Variants in RBFOX3 observed in about 807,000 individuals in gnomAD.
RBFOX3 encodes RNA binding protein fox-1 homolog 3.
In RBFOX3, 17 loss-of-function variants were observed where a neutral mutation model predicts 48.7. That is an observed-to-expected ratio of 0.35 (90% CI 0.24 to 0.52). The LOEUF (loss-of-function observed/expected upper bound fraction) is 0.52, where lower values mean the gene tolerates loss of function less well. RBFOX3 is among the 20% of genes least tolerant of loss of function. The pLI is 0.94. For missense variants in RBFOX3, 382 were observed against 497.5 expected (o/e 0.77, Z 2.21); for synonymous variants, 212 against 209.5 (o/e 1.01, Z -0.10).
rs770162989 is a variant in RBFOX3, at chr17:79,097,642, G to C, written c.622+50C>G. The C allele has an allele frequency of 4.7e-5, 40 of 846,850 alleles. No individual in the cohort carries two copies. In the South Asian group the frequency reaches 5.5e-4, roughly 12 times the overall value. The allele number at this position is 846,850 out of a possible 1,614,324, so 52.5% of individuals were successfully genotyped here. On this transcript the variant is annotated intron_variant, in intron 10 of 14. Transcript: ENST00000693108. ...GCCCCCAGAGCCCCCGGAGCCCCACGGGGCCAAGTAGCTGGTCTCATCCCA... is the reference window on the plus strand; with the variant it reads ...GCCCCCAGAGCCCCCGGAGCCCCACCGGGCCAAGTAGCTGGTCTCATCCCA...
chr17:79,500,821 T>C (rs2082286719), intron 1 of RBFOX3, among the ~76,000 whole-genome samples: 1 of 152,182 alleles, frequency 6.6e-6, no homozygotes, highest in African/African-American at 2.4e-5. Context: ...CCAGGAAGAA[T>C]GACGTTGAGG....
intron 3 of RBFOX3, among the ~76,000 whole-genome samples, chr17:79,260,860 G>A (rs143189409): frequency 7.9e-5 from 12 of 152,236 alleles, no homozygotes; most frequent in African/African-American, 2.2e-4. Flanking sequence ...AGCTCTGGCC[G>A]ACTGCCAGAC....
intron 4 of RBFOX3, among the ~76,000 whole-genome samples, chr17:79,231,639 T>G (rs563881354): frequency 6.6e-6 from 1 of 152,322 alleles, no homozygotes; most frequent in African/African-American, 2.4e-5. Flanking sequence ...TCTATTTTAT[T>G]TCTATACGCT....
At chr17:79,486,025 C>CA (rs1336980795) in intron 1 of RBFOX3, among the ~76,000 whole-genome samples, 1 of 152,272 alleles carries the variant, frequency 6.6e-6, no homozygotes, top group Non-Finnish European at 1.5e-5. Flanking sequence ...TCCTGTACCC[C>CA]ACGCCCCACC....
chr17:79,375,358 GACACACACACACACACAC>G (rs534923135), intron 2 of RBFOX3, among the ~76,000 whole-genome samples: 17 of 136,292 alleles, frequency 1.2e-4, no homozygotes, highest in East Asian at 2.3e-4. Flanking sequence ...GAAGACAGAA[GACACACACACACACACAC>G]ACACACACAC....
chr17:79,190,424 A>AAAACAAC (rs2054249549), intron 4 of RBFOX3, among the ~76,000 whole-genome samples: 1 of 109,474 alleles, frequency 9.1e-6, no homozygotes, highest in African/African-American at 3.0e-5. Flanking sequence ...CAAAAAAAAA[A>AAAACAAC]AAAAAAACAA....
chr17:79,544,246 G>A (rs1467460947), intron 1 of RBFOX3, among the ~76,000 whole-genome samples: 2 of 152,066 alleles, frequency 1.3e-5, no homozygotes, highest in Admixed American at 1.3e-4. Flanking sequence ...CCAGCCTTGT[G>A]GAAGAAACCC....
chr17:79,142,299 C>A (rs985534297), intron 4 of RBFOX3, among the ~76,000 whole-genome samples: 3 of 152,206 alleles, frequency 2.0e-5, no homozygotes, highest in Non-Finnish European at 4.4e-5. Flanking sequence ...GCTGCGGAGC[C>A]TCCAGGGGTG....
chr17:79,237,035 A>C (rs915061423), intron 3 of RBFOX3, among the ~76,000 whole-genome samples: 1 of 152,218 alleles, frequency 6.6e-6, no homozygotes, highest in Admixed American at 6.5e-5. Context: ...GAGTGCATTC[A>C]CACTGCTGTC....
chr17:79,096,954 G>A (rs1210936608), intron 11 of RBFOX3, 121 bp from the exon 12 acceptor site: 3 of 600,878 alleles, frequency 5.0e-6, no homozygotes, highest in African/African-American at 1.9e-5. Context: ...TAGTGATGGA[G>A]GGCACCAGAC....
intron 2 of RBFOX3, among the ~76,000 whole-genome samples, chr17:79,432,016 A>G (rs2068551273): frequency 6.6e-6 from 1 of 152,208 alleles, no homozygotes; most frequent in Non-Finnish European, 1.5e-5. Context: ...GAATGTAACC[A>G]TTCTAGGGAC....
At position 79,477,285 on chromosome 17, in the gene RBFOX3, G is replaced by C. The variant is rs757483597; in HGVS notation, c.-175+5169C>G. Among the ~76,000 whole-genome samples, 7 of 146,816 alleles carry C rather than the reference G, an allele frequency of 4.8e-5. No individual in the cohort carries two copies. The East Asian group carries it at 1.2e-3, about 25-fold the overall frequency. ...AAAAAAAAAAAAAAAAAGAGGGCGC[G>C]GTGGCTCACACCTGTAATCCCAGCA... On this transcript the variant is annotated intron_variant, in intron 2 of 14. Transcript: ENST00000693108. This position sits in a 1 kb window ranked among gnomAD's most constrained non-coding sequence, Gnocchi z 4.8.
chr17:79,514,940 G>C (rs2085030751), intron 1 of RBFOX3, among the ~76,000 whole-genome samples: 1 of 152,144 alleles, frequency 6.6e-6, no homozygotes, highest in South Asian at 2.1e-4. Flanking sequence ...CAGGAGGCTG[G>C]GGCTCGGCGC....
chr17:79,113,500 C>T (rs1193421021), intron 5 of RBFOX3, among the ~76,000 whole-genome samples: 2 of 152,128 alleles, frequency 1.3e-5, no homozygotes, highest in Non-Finnish European at 1.5e-5. Flanking sequence ...CTGAGAGACC[C>T]CAGCCTGAAG....
chr17:79,101,733 GC>G, intron 8 of RBFOX3, 89 bp from the exon 9 acceptor site: 2 of 1,190,928 alleles, frequency 1.7e-6, no homozygotes, highest in Non-Finnish European at 1.2e-6. Context: ...TGCTCCGTTA[GC>G]CCCCGGCACC....
rs963255337 is a variant in RBFOX3, at chr17:79,535,126, G to A, written c.-319-52528C>T. Among the ~76,000 whole-genome samples the A allele has an allele frequency of 7.9e-5, 12 of 152,176 alleles. No homozygotes were observed. Among genetic ancestry groups the A allele is most frequent in the Admixed American group, 5.9e-4 (9 of 15,280 alleles). ...GGCTGTGGCAGCTGCGGGGTTGGGC[G>A]ATTCAGCCCCTCTCTATGCCACAAG... is the stretch of plus-strand genomic sequence containing the variant. On this transcript the variant is annotated intron_variant, in intron 1 of 14. Transcript: ENST00000693108. This position sits in a 1 kb window ranked among gnomAD's most constrained non-coding sequence, Gnocchi z 4.5.
chr17:79,393,641 G>C (rs979417281), intron 2 of RBFOX3, among the ~76,000 whole-genome samples: 3 of 151,906 alleles, frequency 2.0e-5, no homozygotes, highest in Non-Finnish European at 2.9e-5. Flanking sequence ...ATGCACATCT[G>C]AGCCGGTCAT....
At chr17:79,369,010 C>T (rs1265070451) in intron 2 of RBFOX3, among the ~76,000 whole-genome samples, 1 of 152,178 alleles carries the variant, frequency 6.6e-6, no homozygotes, top group Non-Finnish European at 1.5e-5. Flanking sequence ...CGCCTGCTAT[C>T]CAGCCCACGG....
chr17:79,607,520 C>G (rs1277766580), intron 1 of RBFOX3, among the ~76,000 whole-genome samples: 1 of 152,182 alleles, frequency 6.6e-6, no homozygotes, highest in African/African-American at 2.4e-5. Context: ...GCCCCCCACC[C>G]CCTACCACCA....
Sources: allele counts gnomAD v4.1 joint callset (sites outside exome capture counted in the v4.1 genomes callset), GRCh38; gene constraint gnomAD v4.1.1; non-coding constraint Gnocchi (gnomAD v3.1); transcripts MANE v1.5; gene names NCBI Gene and HGNC (gene_info 2026-07-23, HGNC 2026-07-21).